TIAM1: variants seen among roughly 807,000 people sequenced by gnomAD.
The protein encoded by TIAM1 is TIAM Rac1 associated GEF 1.
In TIAM1, 65 loss-of-function variants were observed where a neutral mutation model predicts 163.5. That is an observed-to-expected ratio of 0.40 (90% CI 0.33 to 0.49). The LOEUF is 0.49. Among genes scored for constraint, TIAM1 ranks in the 20% least tolerant of loss-of-function variants. TIAM1 has a pLI of 0.77. For missense variants in TIAM1, 1,789 were observed against 2,044.7 expected (o/e 0.87, Z 2.41); for synonymous variants, 833 against 810.1 (o/e 1.03, Z -0.48).
chr21:31,120,564 C>T lies in TIAM1; in HGVS notation c.4580G>A (p.Arg1527Gln), dbSNP rs1171530677. Residue 1527 changes from arginine to glutamine, a missense_variant, in exon 28 of 28, where the codon CGG becomes CAG. Arg to Gln is a conservative substitution (Grantham distance 43, BLOSUM62 1). Transcript: ENST00000541036. The surrounding 1 kb of genome is among the most constrained non-coding windows in gnomAD (Gnocchi z 4.2). ...CTGACTGATGGAGGTGGCCTGAAGCCGCTCCTGCAGGTCTCTGTCCACTGA... is the reference window on the plus strand; with the variant it reads ...CTGACTGATGGAGGTGGCCTGAAGCTGCTCCTGCAGGTCTCTGTCCACTGA... ...GASVDRDLQE[R>Q]LQATSISQRE... 2.3e-5 allele frequency: 37 copies of T among 1,614,078 alleles called. No homozygotes were observed. Among genetic ancestry groups the T allele is most frequent in the Non-Finnish European group, 2.6e-5 (31 of 1,180,046 alleles).
At chr21:31,535,779 T>A (rs959708750) in intron 1 of TIAM1, among the ~76,000 whole-genome samples, 2 of 152,118 alleles carry the variant, frequency 1.3e-5, no homozygotes, top group East Asian at 3.9e-4. Context: ...TGTGTGAGTT[T>A]GACATCCAGC....
At chr21:31,143,785 T>C (rs2082974113) in intron 20 of TIAM1, among the ~76,000 whole-genome samples, 1 of 151,894 alleles carries the variant, frequency 6.6e-6, no homozygotes, top group Non-Finnish European at 1.5e-5. Context: ...TAGAGTGCGA[T>C]GGCACACTGT....
chr21:31,537,459 A>G (rs2048175375), intron 1 of TIAM1, among the ~76,000 whole-genome samples: 1 of 140,972 alleles, frequency 7.1e-6, no homozygotes, highest in Non-Finnish European at 1.5e-5. Flanking sequence ...AAAAAAAAAA[A>G]GTATTAATAG....
At chr21:31,519,281 G>GGCAACAA (rs1292801925) in intron 1 of TIAM1, among the ~76,000 whole-genome samples, 4 of 138,884 alleles carry the variant, frequency 2.9e-5, no homozygotes, top group African/African-American at 5.4e-5. Flanking sequence ...CTCCAGCCTG[G>GGCAACAA]GCAACAAGAG....
intron 2 of TIAM1, among the ~76,000 whole-genome samples, chr21:31,317,993 A>G (rs2075185872): frequency 6.6e-6 from 1 of 152,216 alleles, no homozygotes; most frequent in South Asian, 2.1e-4. Flanking sequence ...CAAAATGAAG[A>G]TATTTTTCTT....
chr21:31,267,192 A>G (rs1184979149), intron 3 of TIAM1, among the ~76,000 whole-genome samples: 1 of 152,140 alleles, frequency 6.6e-6, no homozygotes, highest in Non-Finnish European at 1.5e-5. Context: ...ATCTACTGAG[A>G]CTGCCCCCTG....
chr21:31,392,049 A>G (rs2076973706), intron 2 of TIAM1, among the ~76,000 whole-genome samples: 1 of 152,224 alleles, frequency 6.6e-6, no homozygotes, highest in African/African-American at 2.4e-5. Context: ...GCCTAACTGT[A>G]GGCTAATGTA....
At chr21:31,520,241 G>A (rs1326314561) in intron 1 of TIAM1, among the ~76,000 whole-genome samples, 1 of 151,672 alleles carries the variant, frequency 6.6e-6, no homozygotes, top group African/African-American at 2.4e-5. Flanking sequence ...TGGGACAGGA[G>A]AATCGCTTGA....
At chr21:31,299,587 G>T (rs376184720) in intron 2 of TIAM1, among the ~76,000 whole-genome samples, 3 of 152,208 alleles carry the variant, frequency 2.0e-5, no homozygotes, top group African/African-American at 7.2e-5. Flanking sequence ...CTGTGAAAGA[G>T]ACCCAACAGC....
intron 23 of TIAM1, among the ~76,000 whole-genome samples, chr21:31,135,718 C>T (rs368662932): frequency 2.6e-5 from 4 of 152,120 alleles, no homozygotes; most frequent in African/African-American, 7.2e-5. Context: ...CAGCCATTTC[C>T]GCCCACCCAT....
At chr21:31,307,744 G>C (rs2074770014) in intron 2 of TIAM1, among the ~76,000 whole-genome samples, 1 of 152,102 alleles carries the variant, frequency 6.6e-6, no homozygotes, top group Non-Finnish European at 1.5e-5. Context: ...ACAAGTGAGG[G>C]GTAAGGGGAG....
chr21:31,412,491 G>A (rs1310549938), intron 2 of TIAM1, among the ~76,000 whole-genome samples: 1 of 151,892 alleles, frequency 6.6e-6, no homozygotes, highest in Non-Finnish European at 1.5e-5. Context: ...ATTCTTATAA[G>A]GTGCACGAAG....
intron 2 of TIAM1, among the ~76,000 whole-genome samples, chr21:31,317,764 A>G (rs1459515171): frequency 3.3e-5 from 5 of 152,206 alleles, no homozygotes; most frequent in Admixed American, 6.5e-5. Flanking sequence ...TGGGCAACAG[A>G]GTGAGACTCT....
intron 2 of TIAM1, among the ~76,000 whole-genome samples, chr21:31,285,223 G>A (rs190097897): frequency 3.9e-5 from 6 of 152,194 alleles, no homozygotes; most frequent in Non-Finnish European, 7.4e-5. Context: ...AGCTGCCTTC[G>A]CACACAGAGG....
rs571796969 is a variant in TIAM1, at chr21:31,147,784, T to TAA, written c.3367-783_3367-782dup. Among the ~76,000 whole-genome samples, 268 of 132,930 alleles carry TAA rather than the reference T, an allele frequency of 2.0e-3. 1 individual carries two copies. Among genetic ancestry groups the TAA allele is most frequent in the South Asian group, 5.0e-3 (22 of 4,428 alleles). 87.2% of individuals were successfully genotyped at this position (132,930 alleles called of 152,430 possible). A position where few individuals can be genotyped will look rare whatever the true frequency, so the allele number is the denominator to read the frequency against. ...AATATATTATATTAATATATTATAT[T>TAA]AAAATATATATATATATATATGGCC... On this transcript the variant is annotated intron_variant, in intron 19 of 27. Coordinates refer to ENST00000541036, the MANE Select transcript of TIAM1 (RefSeq NM_001353694.2).
intron 2 of TIAM1, among the ~76,000 whole-genome samples, chr21:31,361,983 CAT>C (rs1437874977): frequency 6.6e-6 from 1 of 151,924 alleles, no homozygotes; most frequent in Non-Finnish European, 1.5e-5. Context: ...TGCAAGTATA[CAT>C]ATATGACTGA....
intron 23 of TIAM1, among the ~76,000 whole-genome samples, chr21:31,132,648 T>C (rs1237614498): frequency 2.0e-5 from 3 of 152,176 alleles, no homozygotes; most frequent in Admixed American, 2.0e-4. Context: ...TTAACCATTG[T>C]GGATCACAGC....
At chr21:31,230,949 T>C (rs1217142597) in intron 6 of TIAM1, among the ~76,000 whole-genome samples, 2 of 152,246 alleles carry the variant, frequency 1.3e-5, no homozygotes, top group African/African-American at 2.4e-5. Context: ...ATTACAGGCA[T>C]GACCATTCAA....
intron 2 of TIAM1, among the ~76,000 whole-genome samples, chr21:31,338,470 GCAACTTCA>G (rs983353892): frequency 2.6e-5 from 4 of 152,162 alleles, no homozygotes; most frequent in African/African-American, 9.7e-5. Context: ...AAGAACAAGA[GCAACTTCA>G]CATAGCTAGA....
Sources: gnomAD v4.1 joint callset for allele counts (sites outside exome capture counted in the v4.1 genomes callset) on GRCh38, gnomAD v4.1.1 for gene constraint, Gnocchi (gnomAD v3.1) non-coding constraint, MANE v1.5 for transcripts, NCBI Gene and HGNC (gene_info 2026-07-23, HGNC 2026-07-21) for gene names.